The following MTUS1 variants were observed in gnomAD, a reference collection of about 807,000 sequenced individuals.
The protein encoded by MTUS1 is microtubule-associated tumor suppressor 1.
MTUS1 carries 109 observed loss-of-function variants against 120.8 expected under a neutral mutation model. The ratio of observed to expected loss-of-function variants is 0.90; its 90% CI spans 0.77 to 1.06. MTUS1 has a LOEUF of 1.06. Ranked by LOEUF, MTUS1 falls within the 50% of genes least tolerant of loss-of-function variation. The probability of loss-of-function intolerance (pLI) is 0.00; values close to 1 mark genes in which losing one functional copy is unlikely to be tolerated. For missense variants in MTUS1, 2,210 were observed against 1,486.3 expected (o/e 1.49, Z -8.01); for synonymous variants, 737 against 550.5 (o/e 1.34, Z -4.74).
intron 4 of MTUS1, among the ~76,000 whole-genome samples, chr8:17,722,939 G>C (rs1199538780): frequency 6.6e-6 from 1 of 152,062 alleles, no homozygotes; most frequent in East Asian, 1.9e-4. Flanking sequence ...CTTGTGTCTG[G>C]TTTTATTGGT....
intron 1 of MTUS1, among the ~76,000 whole-genome samples, chr8:17,763,043 G>C (rs1422018960): frequency 6.6e-6 from 1 of 151,536 alleles, no homozygotes; most frequent in Non-Finnish European, 1.5e-5. Context: ...CCAGGCTGGA[G>C]TGTAATGGCG....
chr8:17,782,729 A>G (rs760269812), intron 1 of MTUS1, among the ~76,000 whole-genome samples: 3 of 152,212 alleles, frequency 2.0e-5, no homozygotes, highest in Non-Finnish European at 1.5e-5. Flanking sequence ...CCACAAGTCT[A>G]CAGTGTAAAA....
At chr8:17,652,873 T>C (rs997298688) in intron 12 of MTUS1, among the ~76,000 whole-genome samples, 4 of 151,818 alleles carry the variant, frequency 2.6e-5, no homozygotes, top group African/African-American at 4.9e-5. Context: ...TGTAGTTTGT[T>C]TTATCTCAAT....
chr8:17,667,010 AC>A (rs2130521600), intron 8 of MTUS1, among the ~76,000 whole-genome samples: 1 of 152,326 alleles, frequency 6.6e-6, no homozygotes, highest in Non-Finnish European at 1.5e-5. Flanking sequence ...ACTATTCTAC[AC>A]AATAAGGTAT....
intron 8 of MTUS1, among the ~76,000 whole-genome samples, chr8:17,670,946 AC>A (rs1255581199): frequency 6.6e-6 from 1 of 152,134 alleles, no homozygotes; most frequent in Non-Finnish European, 1.5e-5. Flanking sequence ...TTCAGACAAA[AC>A]CTTTGATAAT....
intron 6 of MTUS1, among the ~76,000 whole-genome samples, chr8:17,694,358 C>A (rs1439518575): frequency 6.6e-6 from 1 of 152,086 alleles, no homozygotes; most frequent in African/African-American, 2.4e-5. Context: ...TAAATCAGGA[C>A]AAGTAATGAT....
intron 7 of MTUS1, among the ~76,000 whole-genome samples, chr8:17,678,540 ACT>A (rs1179056676): frequency 6.6e-6 from 1 of 152,140 alleles, no homozygotes; most frequent in East Asian, 1.9e-4. Flanking sequence ...TTTGCTAGCC[ACT>A]GAGTAGCATC....
intron 1 of MTUS1, among the ~76,000 whole-genome samples, chr8:17,791,758 C>A (rs532731249): frequency 1.4e-4 from 21 of 152,266 alleles, no homozygotes; most frequent in African/African-American, 4.8e-4. Flanking sequence ...AATTTAACTC[C>A]CAACCGACAG....
At chr8:17,646,175 TA>T (rs74273453) in intron 14 of MTUS1, 36 bp from the exon 15 acceptor site, 45,190 of 1,199,842 alleles carry the variant, frequency 0.038, 1 homozygote, top group South Asian at 0.05. Context: ...GAGATCTATG[TA>T]AAAAAAAAAA....
At chr8:17,767,641 G>C (rs1308845820) in intron 1 of MTUS1, among the ~76,000 whole-genome samples, 1 of 148,074 alleles carries the variant, frequency 6.8e-6, no homozygotes, top group Non-Finnish European at 1.5e-5. Context: ...CGAGGTTACA[G>C]TGAGCCATGA....
At chr8:17,660,171 G>A (rs544984082) in intron 8 of MTUS1, among the ~76,000 whole-genome samples, 3 of 152,056 alleles carry the variant, frequency 2.0e-5, no homozygotes, top group East Asian at 1.9e-4. Flanking sequence ...TCAGGAGTTC[G>A]AGACCAGCCT....
intron 6 of MTUS1, among the ~76,000 whole-genome samples, chr8:17,684,993 T>G (rs374249925): frequency 6.6e-6 from 1 of 152,294 alleles, no homozygotes; most frequent in South Asian, 2.1e-4. Flanking sequence ...CTACAAATCT[T>G]TTACCTTTTC....
chr8:17,693,466 G>A (rs1309010032), intron 6 of MTUS1: 1 of 152,132 alleles, frequency 6.6e-6, no homozygotes, highest in African/African-American at 2.4e-5. Flanking sequence ...CTCTGCGTGG[G>A]ATCAATGAGA....
chr8:17,701,954 CTT>C (rs1819185903), intron 6 of MTUS1, among the ~76,000 whole-genome samples: 1 of 152,198 alleles, frequency 6.6e-6, no homozygotes, highest in South Asian at 2.1e-4. Flanking sequence ...AAATTTCACA[CTT>C]ATCTTTCCAT....
At chr8:17,722,839 C>A (rs1385886282) in intron 4 of MTUS1, among the ~76,000 whole-genome samples, 1 of 152,084 alleles carries the variant, frequency 6.6e-6, no homozygotes, top group East Asian at 1.9e-4. Flanking sequence ...GCCTCATGAG[C>A]ATTATTACAC....
intron 1 of MTUS1, among the ~76,000 whole-genome samples, chr8:17,785,545 C>T (rs1290563593): frequency 6.6e-6 from 1 of 152,222 alleles, no homozygotes; most frequent in East Asian, 1.9e-4. Flanking sequence ...CATAAAAGGA[C>T]ATTATTTTAA....
chr8:17,671,451 G>A (rs571229562), intron 8 of MTUS1, among the ~76,000 whole-genome samples: 1 of 152,316 alleles, frequency 6.6e-6, no homozygotes, highest in African/African-American at 2.4e-5. Context: ...TCAACGTAGA[G>A]TATCAAAAAA....
chr8:17,690,822 C>G (rs1446106616), intron 6 of MTUS1, among the ~76,000 whole-genome samples: 5 of 152,010 alleles, frequency 3.3e-5, no homozygotes. Context: ...AAAGGACCCT[C>G]GTGTACTAAA....
intron 1 of MTUS1, among the ~76,000 whole-genome samples, chr8:17,778,858 A>T (rs414729): frequency 0.15 from 23,155 of 152,144 alleles, 2,454 homozygotes; most frequent in East Asian, 0.46. Context: ...TCAGACACCA[A>T]ACCAAAGCTA....
Sources: gnomAD v4.1 joint callset for allele counts (sites outside exome capture counted in the v4.1 genomes callset) on GRCh38, gnomAD v4.1.1 for gene constraint, MANE v1.5 for transcripts, NCBI Gene and HGNC (gene_info 2026-07-23, HGNC 2026-07-21) for gene names.